Variants in ZC3H13 observed in about 807,000 individuals in gnomAD.
The protein encoded by ZC3H13 is zinc finger CCCH-type containing 13.
ZC3H13 carries 64 observed loss-of-function variants against 204.1 expected under a neutral mutation model. The observed-to-expected ratio is 0.31, with a 90% CI of 0.26 to 0.39. The LOEUF (loss-of-function observed/expected upper bound fraction) is 0.39, where lower values mean the gene tolerates loss of function less well. ZC3H13 is among the 10% of genes least tolerant of loss of function. The pLI is 1.00. For synonymous variants in ZC3H13, 667 were observed against 693.7 expected, an observed-to-expected ratio of 0.96 and a Z score of 0.60; for missense variants, 1,833 against 2,082.7, an observed-to-expected ratio of 0.88 and a Z score of 2.33.
At chr13:45,976,926 T>C (rs1465428112) in intron 11 of ZC3H13, among the ~76,000 whole-genome samples, 2 of 152,230 alleles carry the variant, frequency 1.3e-5, no homozygotes, top group Non-Finnish European at 2.9e-5. Context: ...CAATACAGTA[T>C]TCTGGATTTC....
chr13:46,011,371 G>T, intron 6 of ZC3H13, 44 bp downstream of exon 6: 1 of 1,533,226 alleles, frequency 6.5e-7, no homozygotes, highest in Non-Finnish European at 8.8e-7. Flanking sequence ...CAATACAAAT[G>T]CTGCTATTAA....
At chr13:45,999,009 G>A (rs1423523786) in intron 8 of ZC3H13, among the ~76,000 whole-genome samples, 1 of 152,226 alleles carries the variant, frequency 6.6e-6, no homozygotes, top group Non-Finnish European at 1.5e-5. Flanking sequence ...GGGAGGCCAA[G>A]GCAGGATTAC....
intron 5 of ZC3H13, among the ~76,000 whole-genome samples, chr13:46,018,275 G>A (rs912117906): frequency 2.0e-5 from 3 of 152,082 alleles, no homozygotes; most frequent in Non-Finnish European, 4.4e-5. Context: ...CAGTTTTAGT[G>A]GAGAGTTGGG....
At chr13:45,973,752 A>G (rs1472176189) in intron 12 of ZC3H13, among the ~76,000 whole-genome samples, 2 of 152,148 alleles carry the variant, frequency 1.3e-5, no homozygotes, top group Non-Finnish European at 2.9e-5. Flanking sequence ...TTAATCTTAG[A>G]AAATAAAGAG....
chr13:45,964,948 C>T (rs1951965440), intron 16 of ZC3H13, among the ~76,000 whole-genome samples: 2 of 152,080 alleles, frequency 1.3e-5, no homozygotes, highest in Admixed American at 6.5e-5. Context: ...AAGCTTTGTA[C>T]CATATAACTA....
chr13:46,027,744 C>A (rs1298576877), intron 4 of ZC3H13, among the ~76,000 whole-genome samples: 1 of 152,050 alleles, frequency 6.6e-6, no homozygotes, highest in Non-Finnish European at 1.5e-5. Context: ...TCAAAGCAGA[C>A]CTGAATTAGC....
chr13:46,012,223 T>C (rs1187158531), intron 5 of ZC3H13, among the ~76,000 whole-genome samples: 2 of 152,178 alleles, frequency 1.3e-5, no homozygotes, highest in African/African-American at 4.8e-5. Flanking sequence ...TGAAAAGCTA[T>C]GAAGATTGGT....
intron 3 of ZC3H13, among the ~76,000 whole-genome samples, chr13:46,044,089 A>T (rs1024628538): frequency 3.3e-5 from 5 of 151,818 alleles, no homozygotes; most frequent in Non-Finnish European, 5.9e-5. Flanking sequence ...GTGAAAAAGA[A>T]GTTGGCTAAT....
rs569249877 is a variant in ZC3H13 at position 46,044,466 on chromosome 13, C to A, written c.227+489G>T. Among the ~76,000 whole-genome samples the A allele has an allele frequency of 2.6e-5, 4 of 152,128 alleles. No individual in the cohort carries two copies. The South Asian group carries it at 8.3e-4, about 32-fold the overall frequency. ...TCGAAATATGGAGCATATTCATCCACATATAAATACATATTTTCATTAACA... is the reference window on the plus strand; with the variant it reads ...TCGAAATATGGAGCATATTCATCCAAATATAAATACATATTTTCATTAACA... On this transcript the variant is annotated intron_variant, in intron 3 of 18. Coordinates refer to ENST00000679008, the MANE Select transcript of ZC3H13 (RefSeq NM_001330564.2).
At chr13:45,996,594 T>C (rs1043280432) in intron 8 of ZC3H13, among the ~76,000 whole-genome samples, 13 of 152,202 alleles carry the variant, frequency 8.5e-5, no homozygotes, top group Non-Finnish European at 1.8e-4. Flanking sequence ...ATACACTGTA[T>C]GCACTTGCTC....
At chr13:45,962,686 A>G in intron 17 of ZC3H13, 1 of 980,706 alleles carries the variant, frequency 1.0e-6, no homozygotes, top group Non-Finnish European at 1.2e-6. Context: ...AAGGGCATGA[A>G]TTCATAAAAC....
chr13:45,976,937 CCTTCCTAATCA>C (rs1178270921), intron 11 of ZC3H13, among the ~76,000 whole-genome samples: 1 of 152,016 alleles, frequency 6.6e-6, no homozygotes, highest in Non-Finnish European at 1.5e-5. Flanking sequence ...TCTGGATTTC[CCTTCCTAATCA>C]CTGATTGAAA....
chr13:45,999,959 C>T (rs555927239), intron 8 of ZC3H13, among the ~76,000 whole-genome samples: 24 of 152,182 alleles, frequency 1.6e-4, no homozygotes, highest in Non-Finnish European at 3.4e-4. Context: ...ACATCATAAA[C>T]AAACAGTAGT....
In ZC3H13 at chr13:45,954,758, A is replaced by G. The variant is rs1951197913; in HGVS notation, c.*2369T>C. ...ATGCCACTTACAGAACAGATTTTCA[A>G]GTTAATAAGTCATAAAATCCTAATG... On this transcript the variant is annotated 3_prime_UTR_variant, in exon 19 of 19. Transcript: ENST00000679008. 1 of 152,340 alleles carries G rather than the reference A, an allele frequency of 6.6e-6. No homozygotes were observed. The highest frequency in any genetic ancestry group is 1.9e-4 in the East Asian group (1 of 5,194). 9.4% of individuals were successfully genotyped at this position (152,340 alleles called of 1,614,324 possible).
At chr13:46,002,459 A>AT (rs2040818353) in intron 8 of ZC3H13, among the ~76,000 whole-genome samples, 1 of 152,214 alleles carries the variant, frequency 6.6e-6, no homozygotes, top group Non-Finnish European at 1.5e-5. Flanking sequence ...AAAAGGGATT[A>AT]TTTACACATT....
intron 2 of ZC3H13, 84 bp downstream of exon 2, chr13:46,045,307 A>G (rs141233578): frequency 1.3e-5 from 16 of 1,228,502 alleles, no homozygotes; most frequent in Non-Finnish European, 1.9e-5. Flanking sequence ...CAATAAAACA[A>G]CCTGTTCACC....
At chr13:45,962,814 T>C in intron 17 of ZC3H13, 1 of 985,410 alleles carries the variant, frequency 1.0e-6, no homozygotes, top group Non-Finnish European at 1.2e-6. Context: ...ACCTTTTACC[T>C]CCTTTTCCTT....
chr13:45,957,183 T>C lies in ZC3H13; in HGVS notation c.4954A>G (p.Thr1652Ala). Residue 1652 changes from threonine (T) to alanine (A), a missense_variant, in exon 19 of 19, where the codon ACT becomes GCT. Transcript: ENST00000679008. ...GACTGTGAAAGTTTATTATCTTCAG[T>C]CTTTTCATGTCCTGGAGCATGGCAA... ...TTCHAPGHEK[T>A]EDNKLSQSSI... 6.5e-7 allele frequency: 1 copy of C among 1,548,316 alleles called. No individual in the cohort carries two copies. Among genetic ancestry groups the C allele is most frequent in the African/African-American group, 1.4e-5 (1 of 73,124 alleles).
chr13:46,028,971 C>A (rs569822116), intron 4 of ZC3H13, among the ~76,000 whole-genome samples: 2 of 151,760 alleles, frequency 1.3e-5, no homozygotes, highest in Non-Finnish European at 2.9e-5. Context: ...TCAATGAAAT[C>A]GAAAACAGAA....
Sources: allele counts gnomAD v4.1 joint callset (sites outside exome capture counted in the v4.1 genomes callset), GRCh38; gene constraint gnomAD v4.1.1; transcripts MANE v1.5; gene names NCBI Gene and HGNC (gene_info 2026-07-23, HGNC 2026-07-21).